The following KHDRBS2 variants were observed in gnomAD, a reference collection of about 807,000 sequenced individuals.
KHDRBS2 encodes the protein KH RNA binding domain containing, signal transduction associated 2, also known as KH domain-containing, RNA-binding, signal transduction-associated protein 2.
Under a neutral mutation model 44.3 loss-of-function variants are expected in KHDRBS2, and 26 were observed. The ratio of observed to expected loss-of-function variants is 0.59; its 90% CI spans 0.43 to 0.81. KHDRBS2 has a LOEUF of 0.81. Ranked by LOEUF, KHDRBS2 falls within the 40% of genes least tolerant of loss-of-function variation. The probability of loss-of-function intolerance (pLI) is 0.00; values close to 1 mark genes in which losing one functional copy is unlikely to be tolerated. For synonymous variants in KHDRBS2, 194 were observed against 151.1 expected, an observed-to-expected ratio of 1.28 and a Z score of -2.08; for missense variants, 476 against 433.1, an observed-to-expected ratio of 1.10 and a Z score of -0.88.
chr6:62,210,177 C>G (rs1289729360), intron 1 of KHDRBS2, among the ~76,000 whole-genome samples: 1 of 152,014 alleles, frequency 6.6e-6, no homozygotes, highest in Non-Finnish European at 1.5e-5. Context: ...AATCTCACGA[C>G]CACCTATTTT....
At chr6:61,750,056 C>T (rs1359707134) in intron 6 of KHDRBS2, among the ~76,000 whole-genome samples, 1 of 152,004 alleles carries the variant, frequency 6.6e-6, no homozygotes. Flanking sequence ...TAAAGGATCA[C>T]TGTGTGAAAA....
At chr6:62,198,403 T>C (rs916528547) in intron 1 of KHDRBS2, among the ~76,000 whole-genome samples, 1 of 151,946 alleles carries the variant, frequency 6.6e-6, no homozygotes, top group Non-Finnish European at 1.5e-5. Flanking sequence ...ATAAAGAGGA[T>C]ATCACCACCG....
chr6:61,638,167 A>T, the KHDRBS2 span, among the ~76,000 whole-genome samples: 2 of 152,092 alleles, frequency 1.3e-5, no homozygotes. Flanking sequence ...TTTAAAGTTC[A>T]TATGGAACCA....
At chr6:62,231,229 G>A (rs1242770558) in intron 1 of KHDRBS2, among the ~76,000 whole-genome samples, 2 of 152,166 alleles carry the variant, frequency 1.3e-5, no homozygotes, top group African/African-American at 4.8e-5. Flanking sequence ...TATAAAGAAA[G>A]ACCCAAGGCT....
intron 2 of KHDRBS2, among the ~76,000 whole-genome samples, chr6:62,116,729 T>C (rs1806318169): frequency 6.6e-6 from 1 of 152,282 alleles, no homozygotes; most frequent in East Asian, 1.9e-4. Context: ...CATATATATG[T>C]ATAAATGCCA....
At chr6:61,584,389 T>A in the KHDRBS2 span, among the ~76,000 whole-genome samples, 6 of 151,854 alleles carry the variant, frequency 4.0e-5, no homozygotes, top group South Asian at 4.1e-4. Context: ...GTTTTATTTC[T>A]TGTTTGTGGA....
intron 1 of KHDRBS2, among the ~76,000 whole-genome samples, chr6:62,216,382 G>T (rs144789546): frequency 0.012 from 1,872 of 151,858 alleles, 45 homozygotes; most frequent in African/African-American, 0.043. Context: ...ACCTCTAAAA[G>T]CTCTCAGCAG....
chr6:62,015,159 A>G (rs574839995), intron 3 of KHDRBS2, among the ~76,000 whole-genome samples: 19 of 152,182 alleles, frequency 1.2e-4, no homozygotes, highest in Non-Finnish European at 2.4e-4. Flanking sequence ...TCATCATTAT[A>G]TCACTGGTTC....
intron 2 of KHDRBS2, among the ~76,000 whole-genome samples, chr6:62,094,677 A>G (rs1800191461): frequency 6.6e-6 from 1 of 151,808 alleles, no homozygotes; most frequent in African/African-American, 2.4e-5. Flanking sequence ...TTCTCCTAGT[A>G]CTTTTGTAGT....
intron 4 of KHDRBS2, among the ~76,000 whole-genome samples, chr6:61,966,976 A>G (rs1770103414): frequency 6.6e-6 from 1 of 151,996 alleles, no homozygotes; most frequent in Non-Finnish European, 1.5e-5. Flanking sequence ...ATTCCTAATT[A>G]TGTTTAATAA....
At chr6:61,886,131 G>C (rs550314450) in intron 6 of KHDRBS2, among the ~76,000 whole-genome samples, 1 of 152,142 alleles carries the variant, frequency 6.6e-6, no homozygotes, top group Admixed American at 6.6e-5. Context: ...CTAGACAACT[G>C]AGAATTATAA....
intron 2 of KHDRBS2, among the ~76,000 whole-genome samples, chr6:62,107,123 T>C (rs1485382106): frequency 2.0e-5 from 3 of 151,586 alleles, no homozygotes; most frequent in South Asian, 4.2e-4. Flanking sequence ...AAATAAAGGG[T>C]ATTCAATTAG....
At chr6:61,882,487 G>A (rs980965435) in intron 6 of KHDRBS2, among the ~76,000 whole-genome samples, 1 of 151,968 alleles carries the variant, frequency 6.6e-6, no homozygotes, top group Non-Finnish European at 1.5e-5. Flanking sequence ...GAAATATGAG[G>A]CAGAAGGAAT....
At chr6:61,827,822 T>C (rs547418043) in intron 6 of KHDRBS2, among the ~76,000 whole-genome samples, 1 of 152,220 alleles carries the variant, frequency 6.6e-6, no homozygotes, top group South Asian at 2.1e-4. Flanking sequence ...ACTAATCCCA[T>C]CATGAAGACC....
chr6:62,257,912 C>G (rs1448241536), intron 1 of KHDRBS2, among the ~76,000 whole-genome samples: 1 of 151,948 alleles, frequency 6.6e-6, no homozygotes, highest in Non-Finnish European at 1.5e-5. Flanking sequence ...CTACGACGAC[C>G]CAGCTTCTGT....
chr6:62,135,623 A>G (rs762859123), intron 2 of KHDRBS2, among the ~76,000 whole-genome samples: 2 of 152,118 alleles, frequency 1.3e-5, no homozygotes, highest in East Asian at 1.9e-4. Flanking sequence ...TATGGAAACA[A>G]CCTCAGTGTC....
intron 1 of KHDRBS2, among the ~76,000 whole-genome samples, chr6:62,249,041 A>G (rs1836094309): frequency 6.6e-6 from 1 of 152,140 alleles, no homozygotes; most frequent in Non-Finnish European, 1.5e-5. Flanking sequence ...GTCTGTGGAA[A>G]AGTAATGAGG....
At chr6:62,022,621 T>C (rs1260453316) in intron 3 of KHDRBS2, among the ~76,000 whole-genome samples, 1 of 151,804 alleles carries the variant, frequency 6.6e-6, no homozygotes, top group Non-Finnish European at 1.5e-5. Context: ...AATTCTTTTC[T>C]ATTGTTAATT....
At chr6:61,785,775 C>A (rs1165391833) in intron 6 of KHDRBS2, among the ~76,000 whole-genome samples, 1 of 151,996 alleles carries the variant, frequency 6.6e-6, no homozygotes, top group Non-Finnish European at 1.5e-5. Flanking sequence ...CATCTCTCAC[C>A]TCCAGATGGA....
Sources: allele counts gnomAD v4.1 joint callset (sites outside exome capture counted in the v4.1 genomes callset), GRCh38; gene constraint gnomAD v4.1.1; transcripts MANE v1.5; gene names NCBI Gene and HGNC (gene_info 2026-07-23, HGNC 2026-07-21).